Variants in PGM5 observed in about 807,000 individuals in gnomAD.
PGM5 encodes phosphoglucomutase 5.
PGM5 carries 23 observed loss-of-function variants against 59.2 expected under a neutral mutation model. The ratio of observed to expected loss-of-function variants is 0.39; its 90% CI spans 0.28 to 0.55. PGM5 has a LOEUF of 0.55. Ranked by LOEUF, PGM5 falls within the 20% of genes least tolerant of loss-of-function variation. The probability of loss-of-function intolerance (pLI) is 0.66; values close to 1 mark genes in which losing one functional copy is unlikely to be tolerated. For synonymous variants in PGM5, 214 were observed against 286.0 expected (o/e 0.75, Z 2.54); for missense variants, 574 against 748.3 (o/e 0.77, Z 2.72).
intron 6 of PGM5, among the ~76,000 whole-genome samples, chr9:68,442,363 C>G (rs1823543115): frequency 6.6e-6 from 1 of 152,166 alleles, no homozygotes; most frequent in South Asian, 2.1e-4. Context: ...TGGATCACTG[C>G]AACCTCCACC....
chr9:68,416,671 T>G (rs1823037777), intron 6 of PGM5, among the ~76,000 whole-genome samples: 1 of 152,254 alleles, frequency 6.6e-6, no homozygotes, highest in African/African-American at 2.4e-5. Context: ...TCCAATTATT[T>G]GTGCCTCACT....
intron 8 of PGM5, among the ~76,000 whole-genome samples, 165 bp downstream of exon 8, chr9:68,479,718 A>C (rs1279739254): frequency 1.3e-5 from 2 of 152,106 alleles, no homozygotes; most frequent in Non-Finnish European, 2.9e-5. Context: ...GCGGATCACG[A>C]GGTCAGGAGA....
At chr9:68,431,821 T>C (rs1823354836) in intron 6 of PGM5, among the ~76,000 whole-genome samples, 1 of 151,706 alleles carries the variant, frequency 6.6e-6, no homozygotes, top group Admixed American at 6.6e-5. Context: ...CTGGGGACAA[T>C]GAAACTTGGG....
intron 1 of PGM5, among the ~76,000 whole-genome samples, chr9:68,374,156 A>G (rs1250821030): frequency 7.9e-5 from 12 of 152,300 alleles, no homozygotes; most frequent in African/African-American, 2.4e-4. Flanking sequence ...CCACTATACA[A>G]TCTTCATAAT....
At chr9:68,502,503 AAGG>A (rs1437464637) in intron 10 of PGM5, among the ~76,000 whole-genome samples, 5 of 152,124 alleles carry the variant, frequency 3.3e-5, no homozygotes, top group Non-Finnish European at 5.9e-5. Context: ...AAGGAAAAGG[AAGG>A]AGAAGTTTTG....
At chr9:68,505,787 G>A (rs149073363) in intron 10 of PGM5, among the ~76,000 whole-genome samples, 5 of 152,112 alleles carry the variant, frequency 3.3e-5, no homozygotes, top group Non-Finnish European at 5.9e-5. Flanking sequence ...GGTAATTATG[G>A]TTGATTAAAT....
chr9:68,378,806 C>G (rs1259867281), intron 2 of PGM5, among the ~76,000 whole-genome samples: 1 of 151,738 alleles, frequency 6.6e-6, no homozygotes, highest in Non-Finnish European at 1.5e-5. Context: ...TTGACTTTCT[C>G]TCAAAATCAT....
At chr9:68,528,480 CT>C (rs1251221809) in intron 10 of PGM5, among the ~76,000 whole-genome samples, 2 of 152,190 alleles carry the variant, frequency 1.3e-5, no homozygotes, top group Non-Finnish European at 2.9e-5. Flanking sequence ...TCAAGTGATC[CT>C]CTGCCTCAGC....
chr9:68,516,940 C>T (rs919570941), intron 10 of PGM5, among the ~76,000 whole-genome samples: 1 of 152,022 alleles, frequency 6.6e-6, no homozygotes, highest in Non-Finnish European at 1.5e-5. Context: ...GGCGCGGTCT[C>T]GGCTCACTGC....
intron 6 of PGM5, among the ~76,000 whole-genome samples, chr9:68,430,399 T>G (rs1554682932): frequency 2.0e-5 from 3 of 152,278 alleles, no homozygotes; most frequent in Non-Finnish European, 1.5e-5. Flanking sequence ...ACAATGTTTA[T>G]TCTGTTAAAG....
chr9:68,381,409 G>A (rs1446858566), intron 2 of PGM5, among the ~76,000 whole-genome samples: 8 of 151,844 alleles, frequency 5.3e-5, no homozygotes, highest in Non-Finnish European at 1.2e-4. Context: ...GAAACCCACA[G>A]CTAACATCAT....
chr9:68,412,683 C>A (rs573770409), intron 6 of PGM5, among the ~76,000 whole-genome samples: 3 of 152,184 alleles, frequency 2.0e-5, no homozygotes, highest in Admixed American at 6.5e-5. Context: ...CTGGCCATAG[C>A]GGCCCTGTGT....
At chr9:68,526,351 G>C (rs1824973921) in intron 10 of PGM5, among the ~76,000 whole-genome samples, 1 of 152,184 alleles carries the variant, frequency 6.6e-6, no homozygotes, top group African/African-American at 2.4e-5. Context: ...ATATTTAGGA[G>C]TTTCCTCATG....
intron 7 of PGM5, chr9:68,466,247 ATTC>A (rs1385102187): frequency 7.9e-6 from 9 of 1,142,512 alleles, no homozygotes; most frequent in Middle Eastern, 2.4e-4. Context: ...TGTTGAAGGA[ATTC>A]TTCTTCTCCG....
chr9:68,485,716 A>G (rs1824283855), intron 9 of PGM5, among the ~76,000 whole-genome samples: 1 of 152,206 alleles, frequency 6.6e-6, no homozygotes, highest in South Asian at 2.1e-4. Flanking sequence ...ATAAATGGAT[A>G]CATGCTGCCA....
intron 1 of PGM5, among the ~76,000 whole-genome samples, chr9:68,368,387 G>A (rs541733017): frequency 2.5e-4 from 37 of 150,952 alleles, no homozygotes; most frequent in East Asian, 1.6e-3. Flanking sequence ...TTAGCAGTCC[G>A]GTTCAGTACA....
intron 6 of PGM5, among the ~76,000 whole-genome samples, chr9:68,441,256 AGAT>A (rs1823525215): frequency 6.6e-6 from 1 of 152,268 alleles, no homozygotes; most frequent in South Asian, 2.1e-4. Context: ...AAAAGGAAGA[AGAT>A]GGAAAATCCC....
chr9:68,418,586 T>G (rs1462075581), intron 6 of PGM5, among the ~76,000 whole-genome samples: 1 of 152,056 alleles, frequency 6.6e-6, no homozygotes, highest in Non-Finnish European at 1.5e-5. Context: ...ATGCTGCAGC[T>G]GCTGCTGCAG....
chr9:68,456,575 T>C (rs1264118839), intron 6 of PGM5, among the ~76,000 whole-genome samples: 5 of 148,994 alleles, frequency 3.4e-5, no homozygotes, highest in Admixed American at 3.3e-4. Flanking sequence ...CGCCTTGGCC[T>C]CCCAAAGTGC....
Sources: gnomAD v4.1 joint callset for allele counts (sites outside exome capture counted in the v4.1 genomes callset) on GRCh38, gnomAD v4.1.1 for gene constraint, MANE v1.5 for transcripts, NCBI Gene and HGNC (gene_info 2026-07-23, HGNC 2026-07-21) for gene names.